The following MDH1 variants were observed in gnomAD, a reference collection of about 807,000 sequenced individuals.
MDH1 encodes malate dehydrogenase, cytoplasmic.
Under a neutral mutation model 38.7 loss-of-function variants are expected in MDH1, and 15 were observed. The ratio of observed to expected loss-of-function variants is 0.39; its 90% CI spans 0.26 to 0.60. The LOEUF (loss-of-function observed/expected upper bound fraction) is 0.60, where lower values mean the gene tolerates loss of function less well. Ranked by LOEUF, MDH1 falls within the 20% of genes least tolerant of loss-of-function variation. The pLI is 0.56. For synonymous variants in MDH1, 144 were observed against 143.6 expected (o/e 1.00, Z -0.02); for missense variants, 368 against 405.2 (o/e 0.91, Z 0.79).
intron 5 of MDH1, chr2:63,599,512 G>A (rs1186589731): frequency 3.5e-5 from 12 of 344,864 alleles, no homozygotes; most frequent in South Asian, 1.7e-4. Context: ...ACTTGATTTC[G>A]TCTTTAACTA....
chr2:63,596,286 C>T (rs1294728380), intron 3 of MDH1, among the ~76,000 whole-genome samples: 3 of 152,160 alleles, frequency 2.0e-5, no homozygotes, highest in Admixed American at 6.5e-5. Context: ...CCAAGAAAAA[C>T]TTTCCTTAAA....
intron 1 of MDH1, chr2:63,590,206 A>T (rs1037930837): frequency 6.6e-6 from 1 of 152,124 alleles, no homozygotes; most frequent in Non-Finnish European, 1.5e-5. Flanking sequence ...TTATCTGATA[A>T]CCTTGGACTT....
chr2:63,598,145 T>C (rs972223679), intron 4 of MDH1: 2 of 152,192 alleles, frequency 1.3e-5, no homozygotes, highest in African/African-American at 4.8e-5. Context: ...TTTAATTTTT[T>C]TGAGACGGAG....
chr2:63,595,709 ATGTC>A (rs1709297299), intron 3 of MDH1, among the ~76,000 whole-genome samples, 190 bp downstream of exon 3: 1 of 152,210 alleles, frequency 6.6e-6, no homozygotes, highest in African/African-American at 2.4e-5. Context: ...GCAACAATCA[ATGTC>A]AGGTAAAGGA....
At chr2:63,589,333 A>ACG in intron 1 of MDH1, 1 of 1,550,656 alleles carries the variant, frequency 6.4e-7, no homozygotes. Flanking sequence ...ACAAAATGCG[A>ACG]CGCTGCAGCT....
At chr2:63,606,755 A>T in intron 8 of MDH1, 107 bp from the exon 9 acceptor site, 1 of 679,414 alleles carries the variant, frequency 1.5e-6, no homozygotes, top group Non-Finnish European at 2.2e-6. Flanking sequence ...TTACTTTAGA[A>T]TCAGACTTTA....
chr2:63,595,565 A>G (rs1425576337), intron 3 of MDH1, 46 bp downstream of exon 3: 3 of 1,217,684 alleles, frequency 2.5e-6, no homozygotes, highest in Admixed American at 3.6e-5. Flanking sequence ...TTGATTTCTT[A>G]CAAAATACAG....
intron 5 of MDH1, 45 bp from the exon 6 acceptor site, chr2:63,604,651 A>C: frequency 6.6e-7 from 1 of 1,510,336 alleles, no homozygotes; most frequent in Non-Finnish European, 9.0e-7. Context: ...AATTGGAAAT[A>C]AAAACCATTT....
At chr2:63,600,588 C>G (rs1356746934) in intron 5 of MDH1, among the ~76,000 whole-genome samples, 1 of 152,170 alleles carries the variant, frequency 6.6e-6, no homozygotes, top group Non-Finnish European at 1.5e-5. Flanking sequence ...AGCATGGTGC[C>G]TGCACATAGT....
chr2:63,602,254 A>G (rs1011126200), intron 5 of MDH1, among the ~76,000 whole-genome samples: 1 of 152,146 alleles, frequency 6.6e-6, no homozygotes, highest in Admixed American at 6.5e-5. Flanking sequence ...TACTTAACTG[A>G]ATAAATTAGT....
Position 63,607,065 on chromosome 2 carries a change from A to G in MDH1, c.*78A>G. ...TTTGACTCAAGTACCAAATAATAAT[A>G]ATGCTATACTTAAATTACTTGTGAA... On this transcript the variant is annotated 3_prime_UTR_variant, in exon 9 of 9. Transcript: ENST00000233114. The G allele has an allele frequency of 7.4e-7, 1 of 1,355,176 alleles. No homozygotes were observed. Among genetic ancestry groups the G allele is most frequent in the Non-Finnish European group, 1.0e-6 (1 of 994,358 alleles). 83.9% of individuals were successfully genotyped at this position (1,355,176 alleles called of 1,614,324 possible).
In MDH1 at chr2:63,597,553, A is replaced by T; in HGVS notation, c.354A>T (p.Lys118Asn). The change falls in exon 4 of 9, where the codon AAA becomes AAT. Residue 118 changes from lysine to asparagine, a missense_variant. Transcript: ENST00000233114. ...IFKSQGAALD[K>N]YAKKSVKVIV... ...AATCCCAGGGTGCAGCCTTAGATAA[A>T]TACGCCAAGAAGTCAGTTAAGGTGA... is the stretch of plus-strand genomic sequence containing the variant. 7.0e-7 allele frequency: 1 copy of T among 1,430,098 alleles called. No individual in the cohort carries two copies. Among genetic ancestry groups the T allele is most frequent in the South Asian group, 1.6e-5 (1 of 62,326 alleles). 88.6% of individuals were successfully genotyped at this position (1,430,098 alleles called of 1,614,324 possible).
chr2:63,597,034 A>G (rs1178957114), intron 3 of MDH1, among the ~76,000 whole-genome samples: 2 of 152,228 alleles, frequency 1.3e-5, no homozygotes, highest in African/African-American at 4.8e-5. Flanking sequence ...AAGTAATTGT[A>G]ATTTAAAGGT....
chr2:63,598,798 A>C (rs1351572844), intron 4 of MDH1, among the ~76,000 whole-genome samples: 12 of 150,630 alleles, frequency 8.0e-5, no homozygotes, highest in African/African-American at 2.7e-4. Context: ...CAGTAATTCC[A>C]CTTCTTCAAA....
intron 1 of MDH1, chr2:63,593,686 G>A (rs1709245601): frequency 8.5e-6 from 4 of 471,262 alleles, no homozygotes; most frequent in South Asian, 6.2e-5. Context: ...GGAAAGGAAT[G>A]GTTCACCTTA....
At chr2:63,592,684 A>AT (rs1412260105) in intron 1 of MDH1, among the ~76,000 whole-genome samples, 3 of 152,354 alleles carry the variant, frequency 2.0e-5, no homozygotes, top group East Asian at 3.9e-4. Flanking sequence ...ATCTTAAAAA[A>AT]TTTTTTAAAG....
chr2:63,599,530 A>G (rs1047627181), intron 5 of MDH1: 18 of 298,574 alleles, frequency 6.0e-5, no homozygotes, highest in Admixed American at 2.4e-4. Context: ...CTATATTTCA[A>G]TTGCTAACTA....
At position 63,601,725 on chromosome 2, in the gene MDH1, A is replaced by G. The variant is rs993614511; in HGVS notation, c.498+2433A>G. ...AAGAACAAAGGAAGGCATGGGAGCC[A>G]AGGAGGACTGAGGGTGGAGAGGCCT... On this transcript the variant is annotated intron_variant, in intron 5 of 8. Transcript: ENST00000233114. Among the ~76,000 whole-genome samples, 10 of 152,352 alleles carry G rather than the reference A, an allele frequency of 6.6e-5. No homozygotes were observed. In the East Asian group the frequency reaches 1.9e-3, roughly 29 times the overall value.
chr2:63,591,023 A>G (rs1265741859), intron 1 of MDH1: 1 of 152,224 alleles, frequency 6.6e-6, no homozygotes, highest in African/African-American at 2.4e-5. Context: ...ATATATATAA[A>G]TTTGAAAGTG....
Sources: allele counts gnomAD v4.1 joint callset (sites outside exome capture counted in the v4.1 genomes callset), GRCh38; gene constraint gnomAD v4.1.1; transcripts MANE v1.5; gene names NCBI Gene and HGNC (gene_info 2026-07-23, HGNC 2026-07-21).